Variants in MPIG6B observed in about 807,000 individuals in gnomAD.
MPIG6B encodes the protein immunoglobulin receptor.
In MPIG6B, 22 loss-of-function variants were observed where a neutral mutation model predicts 24.2. That is an observed-to-expected ratio of 0.91 (90% confidence interval 0.65 to 1.30). The LOEUF (loss-of-function observed/expected upper bound fraction) is 1.30. Ranked by LOEUF, MPIG6B falls within the 50% of genes most tolerant of loss-of-function variation. MPIG6B has a pLI of 0.00. For missense variants in MPIG6B, 301 were observed against 318.5 expected (o/e 0.94, Z 0.42); for synonymous variants, 136 against 142.0 (o/e 0.96, Z 0.30).
intron 3 of MPIG6B, among the ~76,000 whole-genome samples, 160 bp from the exon 4 acceptor site, chr6:31,724,427 G>A (rs995477288): frequency 2.0e-5 from 3 of 152,176 alleles, no homozygotes; most frequent in African/African-American, 4.8e-5. Context: ...AGCTGGAAGT[G>A]CAGCAGAGTT....
At chr6:31,721,235 GACA>G (rs1167995684), upstream of MPIG6B, among the ~76,000 whole-genome samples, 22 of 152,220 alleles carry the variant, frequency 1.4e-4, no homozygotes, top group African/African-American at 5.1e-4. Context: ...TCTTCGAGAG[GACA>G]CCTTACTGAG....
upstream of MPIG6B, among the ~76,000 whole-genome samples, chr6:31,722,707 TAGTC>T (rs70990266): frequency 0.32 from 48,041 of 151,246 alleles, 8,432 homozygotes; most frequent in African/African-American, 0.47. Flanking sequence ...ATACAAAAAT[TAGTC>T]AGGTGTGGTG....
At chr6:31,721,539 G>A (rs2151295110), upstream of MPIG6B, 2 of 1,257,254 alleles carry the variant, frequency 1.6e-6, no homozygotes, top group Non-Finnish European at 2.3e-6. Flanking sequence ...TTGGGATCCC[G>A]AGTGGTGGGT....
In MPIG6B at chr6:31,725,363, C is replaced by G; in HGVS notation, c.*289C>G. 6 of 374,678 alleles carry G rather than the reference C, an allele frequency of 1.6e-5. No homozygotes were observed. In the South Asian group the frequency reaches 2.4e-4, roughly 15 times the overall value. The allele number at this position is 374,678 out of a possible 1,614,324, so 23.2% of individuals were successfully genotyped here. A position where few individuals can be genotyped will look rare whatever the true frequency, so the allele number is the denominator to read the frequency against. Reference sequence around the variant, plus strand: ...TTTTTTTTTGAGACGGAGTCTCGCTCTGTTGCCCAGGCTGGAGTGCAGTGA... The same window carrying G: ...TTTTTTTTTGAGACGGAGTCTCGCTGTGTTGCCCAGGCTGGAGTGCAGTGA... On this transcript the variant is annotated 3_prime_UTR_variant, in exon 6 of 6. Coordinates refer to ENST00000649779, the MANE Select transcript of MPIG6B (RefSeq NM_138272.3). This position sits in a 1 kb window ranked among gnomAD's most constrained non-coding sequence, Gnocchi z 5.2.
At chr6:31,724,881 C>T in intron 5 of MPIG6B, 37 bp downstream of exon 5, 1 of 1,609,544 alleles carries the variant, frequency 6.2e-7, no homozygotes, top group Non-Finnish European at 8.5e-7. Context: ...TAGCCAGAAT[C>T]TCTGAGGAAA....
chr6:31,721,574 G>T (rs1252309104), upstream of MPIG6B: 23 of 1,546,196 alleles, frequency 1.5e-5, no homozygotes, highest in Non-Finnish European at 2.0e-5. Flanking sequence ...GGTAGAGCAG[G>T]GTGTAAAGGT....
chr6:31,726,021 A>G lies in MPIG6B; in HGVS notation c.*947A>G, dbSNP rs1023886743. ...CTCCTTTCTCTCTTACTCCCACACA[A>G]TGAGCCATGAAGTCCAGTCTTTCTA... On this transcript the variant is annotated 3_prime_UTR_variant, in exon 6 of 6. Transcript: ENST00000649779. The surrounding 1 kb of genome is among the most constrained non-coding windows in gnomAD (Gnocchi z 5.1). 1 of 152,370 alleles carries G rather than the reference A, an allele frequency of 6.6e-6. No homozygotes were observed. The highest frequency in any genetic ancestry group is 1.5e-5 in the Non-Finnish European group (1 of 68,058). The allele number at this position is 152,370 out of a possible 1,614,324, so 9.4% of individuals were successfully genotyped here. A position where few individuals can be genotyped will look rare whatever the true frequency, so the allele number is the denominator to read the frequency against.
Position 31,725,326 on chromosome 6 carries a change from GCTC to G in MPIG6B, c.*255_*257del. On this transcript the variant is annotated 3_prime_UTR_variant, in exon 6 of 6. Transcript: ENST00000649779. The surrounding 1 kb of genome is among the most constrained non-coding windows in gnomAD (Gnocchi z 5.2). ...CCTCTCTATACCCAATCAAGCCCTA[GCTC>G]CTTTTTTTTTTTTTTTTGAGACGGA... 2.2e-6 allele frequency: 1 copy of G among 447,472 alleles called. No homozygotes were observed. Among genetic ancestry groups the G allele is most frequent in the East Asian group, 3.7e-5 (1 of 26,986 alleles). The allele number at this position is 447,472 out of a possible 1,614,324, so 27.7% of individuals were successfully genotyped here.
At position 31,723,979 on chromosome 6, in the gene MPIG6B, T is replaced by C. The variant is rs761490149; in HGVS notation, c.402T>C (p.Pro134=). The change falls in exon 2 of 6, where the codon CCT becomes CCC. Residue 134 remains proline, a synonymous_variant. Coordinates refer to ENST00000649779, the MANE Select transcript of MPIG6B (RefSeq NM_138272.3). This position sits in a 1 kb window ranked among gnomAD's most constrained non-coding sequence, Gnocchi z 4.3. ...GGACCTATTGCAAGGCCCCCGGGCC[T>C]ACCCATGGTAGGTGCAGGCCTGTGC... ...GDRTYCKAPG[P]THGSVYPQLL... The C allele has an allele frequency of 4.5e-6, 7 of 1,551,936 alleles. No homozygotes were observed. The highest frequency in any genetic ancestry group is 6.1e-6 in the Non-Finnish European group (7 of 1,146,570).
chr6:31,720,484 T>C (rs903124934), upstream of MPIG6B, among the ~76,000 whole-genome samples: 1 of 151,964 alleles, frequency 6.6e-6, no homozygotes, highest in Non-Finnish European at 1.5e-5. The surrounding 1 kb of genome is among the most constrained non-coding windows in gnomAD (Gnocchi z 4.9). Flanking sequence ...GACAGAACTA[T>C]GAAGAAAAAC....
In MPIG6B at chr6:31,723,689, G is replaced by GT; in HGVS notation, c.113dup (p.Ser39LeufsTer141). 6.2e-7 allele frequency: 1 copy of GT among 1,605,076 alleles called. No individual in the cohort carries two copies. Among genetic ancestry groups the GT allele is most frequent in the Non-Finnish European group, 8.5e-7 (1 of 1,176,282 alleles). On this transcript the variant is annotated frameshift_variant, in exon 2 of 6. Coordinates refer to ENST00000649779, the MANE Select transcript of MPIG6B (RefSeq NM_138272.3). LOFTEE classifies it high-confidence loss of function. The surrounding 1 kb of genome is among the most constrained non-coding windows in gnomAD (Gnocchi z 4.3). Reference sequence around the variant, plus strand: ...CCGGGTGAATCTCTCCTGCGGAGGAGTCTCTCATCCCATCCGCTGGGTCTG... The same window carrying GT: ...CCGGGTGAATCTCTCCTGCGGAGGAGTTCTCTCATCCCATCCGCTGGGTCTG...
At chr6:31,723,313 C>A (rs1806951415), upstream of MPIG6B, 9 of 1,120,268 alleles carry the variant, frequency 8.0e-6, no homozygotes, top group Non-Finnish European at 1.2e-5. This position sits in a 1 kb window ranked among gnomAD's most constrained non-coding sequence, Gnocchi z 4.3. Context: ...CGCCTAACTT[C>A]CCTCCGGTCC....
At position 31,725,140 on chromosome 6, in the gene MPIG6B, C is replaced by T. The variant is rs546522368; in HGVS notation, c.*66C>T. 3.6e-5 allele frequency: 43 copies of T among 1,198,036 alleles called. No homozygotes were observed. The East Asian group carries it at 1.0e-3, about 28-fold the overall frequency. 74.2% of individuals were successfully genotyped at this position (1,198,036 alleles called of 1,614,324 possible). The stretch of plus-strand genomic sequence containing the variant: ...CAGCTCCCCATAATCCCTCTCCCCT[C>T]CTTGGTTCCTCACCTGGAAGAGGAA... On this transcript the variant is annotated 3_prime_UTR_variant, in exon 6 of 6. Transcript: ENST00000649779. The surrounding 1 kb of genome is among the most constrained non-coding windows in gnomAD (Gnocchi z 5.2).
Position 31,725,039 on chromosome 6 carries a change from G to C in MPIG6B, c.691G>C (p.Ala231Pro). 6.2e-7 allele frequency: 1 copy of C among 1,613,738 alleles called. No individual in the cohort carries two copies. The highest frequency in any genetic ancestry group is 8.5e-7 in the Non-Finnish European group (1 of 1,179,974). Residue 231 changes from alanine (A) to proline (P), a missense_variant, in exon 6 of 6, where the codon GCT becomes CCT. Coordinates refer to ENST00000649779, the MANE Select transcript of MPIG6B (RefSeq NM_138272.3). The surrounding 1 kb of genome is among the most constrained non-coding windows in gnomAD (Gnocchi z 5.2). ...RPRRLSTADP[A>P]DASTIYAVVV ...CCGCCGGCTGTCCACAGCGGACCCT[G>C]CTGATGCCTCCACCATCTATGCAGT...
In MPIG6B at chr6:31,725,581, C is replaced by A; in HGVS notation, c.*507C>A. On this transcript the variant is annotated 3_prime_UTR_variant, in exon 6 of 6. Transcript: ENST00000649779. The surrounding 1 kb of genome is among the most constrained non-coding windows in gnomAD (Gnocchi z 5.2). The stretch of plus-strand genomic sequence containing the variant: ...TAACCTCGTGATCCACCCGCCCCGG[C>A]CTCCCAAAGTGCTAGGATTACAGGT... The A allele has an allele frequency of 6.5e-6, 1 of 154,746 alleles. No individual in the cohort carries two copies. Among genetic ancestry groups the A allele is most frequent in the Non-Finnish European group, 1.4e-5 (1 of 69,764 alleles). The allele number at this position is 154,746 out of a possible 1,614,324, so 9.6% of individuals were successfully genotyped here.
intron 4 of MPIG6B, 53 bp from the exon 5 acceptor site, chr6:31,724,712 C>T (rs1283352986): frequency 6.2e-7 from 1 of 1,609,868 alleles, no homozygotes; most frequent in Non-Finnish European, 8.5e-7. Context: ...TTGCTGGGAG[C>T]AGACACGTTG....
At chr6:31,724,473 A>G in intron 3 of MPIG6B, 114 bp from the exon 4 acceptor site, 1 of 943,782 alleles carries the variant, frequency 1.1e-6, no homozygotes, top group South Asian at 1.3e-5. Context: ...GGTAGAGTCT[A>G]AGTTGTTTCC....
chr6:31,721,781 C>T (rs1806807831), upstream of MPIG6B: 2 of 1,208,742 alleles, frequency 1.7e-6, no homozygotes, highest in South Asian at 1.3e-5. Context: ...TTTATAAACC[C>T]AAAGGCTCCT....
rs1051638949 is a variant in MPIG6B at position 31,725,129 on chromosome 6, C to G, written c.*55C>G. The G allele has an allele frequency of 1.3e-5, 16 of 1,276,898 alleles. No homozygotes were observed. The highest frequency in any genetic ancestry group is 4.4e-5 in the African/African-American group (3 of 67,972). The allele number at this position is 1,276,898 out of a possible 1,614,324, so 79.1% of individuals were successfully genotyped here. On this transcript the variant is annotated 3_prime_UTR_variant, in exon 6 of 6. Transcript: ENST00000649779. The surrounding 1 kb of genome is among the most constrained non-coding windows in gnomAD (Gnocchi z 5.2). ...CTAGGGGATCCCAGCTCCCCATAAT[C>G]CCTCTCCCCTCCTTGGTTCCTCACC...
Sources: allele counts gnomAD v4.1 joint callset (sites outside exome capture counted in the v4.1 genomes callset), GRCh38; gene constraint gnomAD v4.1.1; non-coding constraint Gnocchi (gnomAD v3.1); transcripts MANE v1.5; gene names NCBI Gene and HGNC (gene_info 2026-07-23, HGNC 2026-07-21).